AK9: variants seen among roughly 807,000 people sequenced by gnomAD.
The protein encoded by AK9 is adenylate kinase 9, also known as adenylate kinase domain containing 1.
AK9 carries 191 observed loss-of-function variants against 239.6 expected under a neutral mutation model. That is an observed-to-expected ratio of 0.80 (90% CI 0.71 to 0.90). AK9 has a LOEUF of 0.90. Ranked by LOEUF, AK9 falls within the 40% of genes least tolerant of loss-of-function variation. The pLI is 0.00. For missense variants in AK9, 1,995 were observed against 2,214.7 expected (o/e 0.90, Z 1.99); for synonymous variants, 689 against 721.0 (o/e 0.96, Z 0.71).
chr6:109,521,025 G>GTATAGAAT (rs1475795577), intron 29 of AK9, among the ~76,000 whole-genome samples: 1 of 152,054 alleles, frequency 6.6e-6, no homozygotes, highest in African/African-American at 2.4e-5. Context: ...GGTTTTACAG[G>GTATAGAAT]TATAGAATTA....
At chr6:109,557,814 A>G (rs1785195011) in intron 24 of AK9, among the ~76,000 whole-genome samples, 1 of 152,220 alleles carries the variant, frequency 6.6e-6, no homozygotes, top group Admixed American at 6.5e-5. Flanking sequence ...AGAAATTGCC[A>G]AACTGTTTTC....
intron 31 of AK9, among the ~76,000 whole-genome samples, chr6:109,515,007 G>C (rs1254077825): frequency 6.6e-6 from 1 of 152,210 alleles, no homozygotes; most frequent in African/African-American, 2.4e-5. Flanking sequence ...AAGGCCACGT[G>C]GGGACACAGA....
At chr6:109,654,238 C>T (rs1016364597) in intron 8 of AK9, among the ~76,000 whole-genome samples, 2 of 152,094 alleles carry the variant, frequency 1.3e-5, no homozygotes, top group Non-Finnish European at 2.9e-5. Context: ...TAGGTGTTTT[C>T]CTCTAGACCG....
chr6:109,683,782 C>A (rs1773038902), intron 1 of AK9, among the ~76,000 whole-genome samples: 1 of 152,220 alleles, frequency 6.6e-6, no homozygotes, highest in Non-Finnish European at 1.5e-5. Context: ...ATTCCATGCT[C>A]ATGGATAGGA....
intron 17 of AK9, among the ~76,000 whole-genome samples, chr6:109,596,568 GGGT>G (rs1354905763): frequency 2.0e-5 from 3 of 152,210 alleles, no homozygotes; most frequent in Non-Finnish European, 4.4e-5. Context: ...CTGAAGGGAG[GGGT>G]AGCTCAGGCT....
At chr6:109,500,327 A>G (rs778551460) in intron 35 of AK9, among the ~76,000 whole-genome samples, 27 of 152,216 alleles carry the variant, frequency 1.8e-4, no homozygotes, top group Non-Finnish European at 2.6e-4. Flanking sequence ...TTTTCTCTCT[A>G]TGCTTACCCA....
At chr6:109,555,947 G>A (rs757698042) in intron 24 of AK9, among the ~76,000 whole-genome samples, 19 of 152,140 alleles carry the variant, frequency 1.2e-4, no homozygotes, top group South Asian at 4.2e-4. Flanking sequence ...CCAATAGATC[G>A]TGGTTCTTTA....
rs1309992316 is a variant in AK9 at position 109,633,257 on chromosome 6, T to G, written c.1000A>C (p.Lys334Gln). 6.2e-7 allele frequency: 1 copy of G among 1,610,250 alleles called. No individual in the cohort carries two copies. Among genetic ancestry groups the G allele is most frequent in the Non-Finnish European group, 8.5e-7 (1 of 1,179,286 alleles). The stretch of plus-strand genomic sequence containing the variant: ...TTCACAGGACATGTACGTCCCCATT[T>G]ACTTCTTTGCCATCTGTATCTTGGT... ...IAPRYRWQRS[K>Q]WGRTCPVNLK... Residue 334 changes from lysine (K) to glutamine (Q), a missense_variant, in exon 11 of 41, where the codon AAA becomes CAA. By Grantham distance (53) the Lys-to-Gln change is moderately conservative (BLOSUM62 1). Coordinates refer to ENST00000424296, the MANE Select transcript of AK9 (RefSeq NM_001145128.3).
intron 31 of AK9, among the ~76,000 whole-genome samples, chr6:109,514,976 C>A (rs529226520): frequency 2.0e-5 from 3 of 152,254 alleles, no homozygotes; most frequent in Non-Finnish European, 4.4e-5. Context: ...GAGGAAGAGA[C>A]ATCAGGGTGG....
At chr6:109,596,499 C>T (rs1212849674) in intron 17 of AK9, among the ~76,000 whole-genome samples, 1 of 152,150 alleles carries the variant, frequency 6.6e-6, no homozygotes, top group Non-Finnish European at 1.5e-5. Context: ...GCTCCAAATG[C>T]CTGGAGATGT....
chr6:109,506,922 AT>A, intron 33 of AK9, 122 bp from the exon 34 acceptor site: 1 of 1,365,456 alleles, frequency 7.3e-7, no homozygotes, highest in Non-Finnish European at 9.5e-7. Context: ...ATGTAACTCA[AT>A]TTATTTTCTT....
chr6:109,624,948 T>C (rs1402061797), intron 12 of AK9, among the ~76,000 whole-genome samples: 1 of 152,146 alleles, frequency 6.6e-6, no homozygotes, highest in Non-Finnish European at 1.5e-5. Flanking sequence ...AACTCTTCTA[T>C]TGAATTTTTC....
rs371255797 is a variant in AK9, at chr6:109,671,916, T to C, written c.331+3A>G. 5.0e-6 allele frequency: 8 copies of C among 1,612,226 alleles called. No homozygotes were observed. The highest frequency in any genetic ancestry group is 4.0e-5 in the African/African-American group (3 of 74,848). On this transcript the variant is annotated splice_donor_region_variant and intron_variant, in intron 5 of 40. Coordinates refer to ENST00000424296, the MANE Select transcript of AK9 (RefSeq NM_001145128.3). ...GGCTGTAAATATATTAAAATAAACA[T>C]ACCAAAGTGACAGACTTCTGGGGAG... is the stretch of plus-strand genomic sequence containing the variant.
At chr6:109,510,917 G>A (rs1295522565) in intron 32 of AK9, among the ~76,000 whole-genome samples, 8 of 152,084 alleles carry the variant, frequency 5.3e-5, no homozygotes, top group Non-Finnish European at 1.0e-4. Context: ...GATATCAACA[G>A]CAAGCTAATT....
At chr6:109,588,206 G>C (rs1789764909) in intron 17 of AK9, among the ~76,000 whole-genome samples, 1 of 152,118 alleles carries the variant, frequency 6.6e-6, no homozygotes, top group Non-Finnish European at 1.5e-5. Context: ...GTGTAGCTGG[G>C]ACTACAGGCA....
At chr6:109,650,096 A>G (rs565707956) in intron 8 of AK9, among the ~76,000 whole-genome samples, 1 of 152,376 alleles carries the variant, frequency 6.6e-6, no homozygotes, top group Admixed American at 6.5e-5. Flanking sequence ...AAGATGCATT[A>G]AAGACTTAAA....
intron 35 of AK9, among the ~76,000 whole-genome samples, chr6:109,502,346 A>G (rs1266232922): frequency 1.3e-5 from 2 of 152,220 alleles, no homozygotes; most frequent in Admixed American, 1.3e-4. Context: ...CAGATACGGA[A>G]GGGAGAATGA....
At chr6:109,611,970 C>A in intron 16 of AK9, 40 bp downstream of exon 16, 2 of 1,349,312 alleles carry the variant, frequency 1.5e-6, no homozygotes, top group South Asian at 2.7e-5. Context: ...TTTTTAGAAC[C>A]ACAATCTAAA....
At chr6:109,621,814 G>A (rs1794846446) in intron 12 of AK9, among the ~76,000 whole-genome samples, 1 of 139,204 alleles carries the variant, frequency 7.2e-6, no homozygotes, top group Non-Finnish European at 1.5e-5. Context: ...AGTGGGTGCA[G>A]CGCACCAGCA....
Sources: gnomAD v4.1 joint callset for allele counts (sites outside exome capture counted in the v4.1 genomes callset) on GRCh38, gnomAD v4.1.1 for gene constraint, MANE v1.5 for transcripts, NCBI Gene and HGNC (gene_info 2026-07-23, HGNC 2026-07-21) for gene names.